Variants in PTPRT observed in about 807,000 individuals in gnomAD.
The protein encoded by PTPRT is receptor-type tyrosine-protein phosphatase T.
In PTPRT, 56 loss-of-function variants were observed where a neutral mutation model predicts 176.8. The ratio of observed to expected loss-of-function variants is 0.32; its 90% CI spans 0.26 to 0.40. The LOEUF is 0.40. Ranked by LOEUF, PTPRT falls within the 10% of genes least tolerant of loss-of-function variation. The pLI, the probability that PTPRT is intolerant of heterozygous loss-of-function variation, is 1.00. For missense variants in PTPRT, 1,540 were observed against 1,908.2 expected, an observed-to-expected ratio of 0.81 and a Z score of 3.60; for synonymous variants, 783 against 739.0, an observed-to-expected ratio of 1.06 and a Z score of -0.96.
chr20:42,238,042 C>G (rs2056279602), intron 14 of PTPRT, among the ~76,000 whole-genome samples: 1 of 152,212 alleles, frequency 6.6e-6, no homozygotes, highest in African/African-American at 2.4e-5. Context: ...GGGGCTATCT[C>G]TAGTCTTTCT....
intron 9 of PTPRT, among the ~76,000 whole-genome samples, chr20:42,420,209 G>A (rs6102825): frequency 0.12 from 18,873 of 152,054 alleles, 1,597 homozygotes; most frequent in African/African-American, 0.23. Context: ...TTACCAACAG[G>A]CACAATTTCA....
chr20:42,513,118 CCAAAGTA>C, intron 7 of PTPRT, among the ~76,000 whole-genome samples: 1 of 152,032 alleles, frequency 6.6e-6, no homozygotes, highest in Non-Finnish European at 1.5e-5. Context: ...CCTCAGCCTC[CCAAAGTA>C]CTGGGATTAC....
At chr20:42,689,193 A>T (rs2075751245) in intron 6 of PTPRT, among the ~76,000 whole-genome samples, 1 of 152,118 alleles carries the variant, frequency 6.6e-6, no homozygotes, top group South Asian at 2.1e-4. Context: ...CCCCATATAA[A>T]CCCAAGACCT....
intron 12 of PTPRT, among the ~76,000 whole-genome samples, chr20:42,288,652 T>C (rs2057270591): frequency 6.6e-6 from 1 of 152,044 alleles, no homozygotes; most frequent in Non-Finnish European, 1.5e-5. Context: ...TTTCTTAGGA[T>C]AATGGCTTCC....
At chr20:42,925,910 C>G (rs1053857166) in intron 1 of PTPRT, among the ~76,000 whole-genome samples, 10 of 152,206 alleles carry the variant, frequency 6.6e-5, no homozygotes, top group Non-Finnish European at 1.5e-5. Context: ...TGCACAGTCC[C>G]TTTGCAGATT....
At chr20:42,225,109 G>A (rs759561560) in intron 15 of PTPRT, among the ~76,000 whole-genome samples, 22 of 152,182 alleles carry the variant, frequency 1.4e-4, no homozygotes, top group Non-Finnish European at 2.9e-4. Flanking sequence ...ATGCCAGGAG[G>A]AGGGTTGTCT....
At chr20:42,415,808 T>C (rs1218912158) in intron 9 of PTPRT, among the ~76,000 whole-genome samples, 4 of 152,162 alleles carry the variant, frequency 2.6e-5, no homozygotes, top group Admixed American at 2.6e-4. Context: ...AGGATGGTCA[T>C]CTCCATCATT....
chr20:42,936,473 A>G (rs892629385), intron 1 of PTPRT, among the ~76,000 whole-genome samples: 1 of 152,140 alleles, frequency 6.6e-6, no homozygotes, highest in African/African-American at 2.4e-5. Flanking sequence ...ATTTGTAAGG[A>G]CTTTGTTTTT....
At chr20:42,560,702 T>C (rs1412472126) in intron 7 of PTPRT, among the ~76,000 whole-genome samples, 1 of 152,152 alleles carries the variant, frequency 6.6e-6, no homozygotes, top group African/African-American at 2.4e-5. Flanking sequence ...GGATTCTCTT[T>C]GTATGTAATT....
chr20:42,327,667 T>TGGTTATTG (rs1332965244), intron 11 of PTPRT, among the ~76,000 whole-genome samples: 4 of 152,148 alleles, frequency 2.6e-5, no homozygotes, highest in Admixed American at 2.6e-4. Flanking sequence ...GATATGTGGA[T>TGGTTATTG]GGTTATTGTC....
At chr20:42,377,164 C>A (rs10485690) in intron 9 of PTPRT, among the ~76,000 whole-genome samples, 1 of 152,114 alleles carries the variant, frequency 6.6e-6, no homozygotes, top group Non-Finnish European at 1.5e-5. Flanking sequence ...CTTGAAGAAC[C>A]TTTGCAGAAA....
Position 42,073,811 on chromosome 20 carries a change from C to T in PTPRT, c.*7068G>A. On this transcript the variant is annotated 3_prime_UTR_variant, in exon 31 of 31. Coordinates refer to ENST00000373187, the MANE Select transcript of PTPRT (RefSeq NM_007050.6). Reference sequence around the variant, plus strand: ...CGTGCTCTACAGGTATGAATGAGTTCAAACATGATCCCAGCTCCACAAGAT... The same window carrying T: ...CGTGCTCTACAGGTATGAATGAGTTTAAACATGATCCCAGCTCCACAAGAT... The T allele has an allele frequency of 4.4e-6, 1 of 225,018 alleles. No individual in the cohort carries two copies. The highest frequency in any genetic ancestry group is 8.9e-6 in the Non-Finnish European group (1 of 112,820). 13.9% of individuals were successfully genotyped at this position (225,018 alleles called of 1,614,324 possible). A position where few individuals can be genotyped will look rare whatever the true frequency, so the allele number is the denominator to read the frequency against.
intron 16 of PTPRT, among the ~76,000 whole-genome samples, chr20:42,196,062 C>G (rs990589144): frequency 6.6e-6 from 1 of 152,130 alleles, no homozygotes; most frequent in Non-Finnish European, 1.5e-5. Context: ...GATTGAGAAC[C>G]AATATCTAAA....
At chr20:42,050,185 A>G in the PTPRT span, among the ~76,000 whole-genome samples, 1 of 152,092 alleles carries the variant, frequency 6.6e-6, no homozygotes, top group African/African-American at 2.4e-5. Flanking sequence ...GTGGGAGGGA[A>G]ATCTCCCCTT....
intron 1 of PTPRT, among the ~76,000 whole-genome samples, chr20:43,018,337 A>G (rs920065698): frequency 2.0e-5 from 3 of 152,260 alleles, no homozygotes; most frequent in Non-Finnish European, 4.4e-5. Flanking sequence ...TACATTCTCC[A>G]GATTACACCA....
At chr20:42,223,008 C>T (rs138462295) in intron 15 of PTPRT, among the ~76,000 whole-genome samples, 8 of 152,228 alleles carry the variant, frequency 5.3e-5, no homozygotes, top group African/African-American at 1.7e-4. Context: ...CAGCTGGTGT[C>T]CGCTGCTTGA....
intron 6 of PTPRT, among the ~76,000 whole-genome samples, chr20:42,703,131 G>T (rs1167110288): frequency 6.6e-6 from 1 of 152,150 alleles, no homozygotes; most frequent in Non-Finnish European, 1.5e-5. Context: ...CATCCATAAG[G>T]GAGAATGCTG....
chr20:42,752,169 T>C (rs2076778821), intron 6 of PTPRT, among the ~76,000 whole-genome samples: 2 of 152,180 alleles, frequency 1.3e-5, no homozygotes, highest in Non-Finnish European at 2.9e-5. Context: ...CTGGGTCCAA[T>C]GTCCTGTCCC....
intron 7 of PTPRT, among the ~76,000 whole-genome samples, chr20:42,488,008 T>C (rs2071492986): frequency 6.6e-6 from 1 of 152,226 alleles, no homozygotes; most frequent in African/African-American, 2.4e-5. Flanking sequence ...TGGAATGTGT[T>C]CTAGCTCGTT....
Sources: gnomAD v4.1 joint callset for allele counts (sites outside exome capture counted in the v4.1 genomes callset) on GRCh38, gnomAD v4.1.1 for gene constraint, MANE v1.5 for transcripts, NCBI Gene and HGNC (gene_info 2026-07-23, HGNC 2026-07-21) for gene names.